Variants in FRK observed in about 807,000 individuals in gnomAD.
FRK encodes tyrosine-protein kinase FRK.
In FRK, 51 loss-of-function variants were observed where a neutral mutation model predicts 56.4. That is an observed-to-expected ratio of 0.90 (90% CI 0.72 to 1.14). The LOEUF is 1.14. FRK is among the 50% of genes most tolerant of loss of function. FRK has a pLI of 0.00. For synonymous variants in FRK, 245 were observed against 217.9 expected (o/e 1.12, Z -1.10); for missense variants, 570 against 601.4 (o/e 0.95, Z 0.55).
Position 115,942,402 on chromosome 6 carries a change from CT to C in FRK, c.*11del, listed in dbSNP as rs1772219513. 1 of 1,592,876 alleles carries C rather than the reference CT, an allele frequency of 6.3e-7. No individual in the cohort carries two copies. Among genetic ancestry groups the C allele is most frequent in the Admixed American group, 1.7e-5 (1 of 59,718 alleles). ...TTTTGCTACTTTATTATTTGATATT[CT>C]TCTCCAGTGTTCATCTTATGAAGTT... On this transcript the variant is annotated 3_prime_UTR_variant, in exon 8 of 8. Transcript: ENST00000606080.
At chr6:116,078,209 C>T in the FRK span, among the ~76,000 whole-genome samples, 58,196 of 152,102 alleles carry the variant, frequency 0.38, 12,280 homozygotes, top group East Asian at 0.77. Flanking sequence ...AAAATGACTT[C>T]TTTACTCAGG....
the FRK span, among the ~76,000 whole-genome samples, chr6:116,088,006 T>C: frequency 6.6e-6 from 1 of 152,176 alleles, no homozygotes; most frequent in East Asian, 1.9e-4. Context: ...CCCTCAATCA[T>C]GACAACAGGA....
the FRK span, among the ~76,000 whole-genome samples, chr6:116,081,752 T>C: frequency 1.3e-5 from 2 of 152,036 alleles, no homozygotes; most frequent in African/African-American, 4.8e-5. Context: ...GGTCAACTGA[T>C]ATTATTAAGA....
At chr6:115,967,024 G>A (rs1399505996) in intron 4 of FRK, among the ~76,000 whole-genome samples, 1 of 152,042 alleles carries the variant, frequency 6.6e-6, no homozygotes, top group Non-Finnish European at 1.5e-5. Context: ...AATAAAGCCT[G>A]GCTGAATAAA....
intron 2 of FRK, among the ~76,000 whole-genome samples, chr6:116,003,108 A>T (rs889889884): frequency 6.6e-6 from 1 of 152,196 alleles, no homozygotes; most frequent in Non-Finnish European, 1.5e-5. Context: ...CAAGGTTCAC[A>T]TCTAATTGGA....
intron 2 of FRK, among the ~76,000 whole-genome samples, chr6:115,997,173 C>T (rs889422432): frequency 2.0e-5 from 3 of 152,122 alleles, no homozygotes; most frequent in Non-Finnish European, 1.5e-5. Context: ...GGCAGTTCTA[C>T]CATTTGTGCA....
the FRK span, among the ~76,000 whole-genome samples, chr6:116,078,941 G>A: frequency 4.3e-3 from 649 of 152,178 alleles, 7 homozygotes; most frequent in African/African-American, 0.015. Flanking sequence ...GATTCATCTA[G>A]TTTGTAACAT....
chr6:115,968,818 A>G, intron 2 of FRK, 79 bp from the exon 3 acceptor site: 2 of 1,146,226 alleles, frequency 1.7e-6, no homozygotes, highest in Non-Finnish European at 2.5e-6. Context: ...TGACATTTTC[A>G]ATGCATAAAA....
At chr6:116,026,719 C>T (rs1219829991) in intron 1 of FRK, among the ~76,000 whole-genome samples, 1 of 151,988 alleles carries the variant, frequency 6.6e-6, no homozygotes, top group African/African-American at 2.4e-5. Context: ...GAGCTGGTTG[C>T]TTTGTTCACA....
At chr6:115,942,975 AAGTGACATGC>A in intron 7 of FRK, 35 bp downstream of exon 7, 1 of 1,575,396 alleles carries the variant, frequency 6.3e-7, no homozygotes, top group South Asian at 1.2e-5. Flanking sequence ...ACACCTAAGT[AAGTGACATGC>A]AGCAGAAAGG....
chr6:116,072,530 A>ACACAC, the FRK span, among the ~76,000 whole-genome samples: 1 of 144,872 alleles, frequency 6.9e-6, no homozygotes, highest in African/African-American at 2.6e-5. Context: ...AGGTTAAATA[A>ACACAC]ACACACACAC....
At position 115,940,583 on chromosome 6, in the gene FRK, G is replaced by C. The variant is rs1446033786; in HGVS notation, c.*1831C>G. Reference sequence around the variant, plus strand: ...GAAAATTTTTGCAAGCTATCCATCTGACAAAGGGCTAATACCAAGAATCTA... The same window carrying C: ...GAAAATTTTTGCAAGCTATCCATCTCACAAAGGGCTAATACCAAGAATCTA... On this transcript the variant is annotated 3_prime_UTR_variant, in exon 8 of 8. Transcript: ENST00000606080. 6.6e-6 allele frequency: 1 copy of C among 152,066 alleles called. No homozygotes were observed. The highest frequency in any genetic ancestry group is 1.5e-5 in the Non-Finnish European group (1 of 68,012). 9.4% of individuals were successfully genotyped at this position (152,066 alleles called of 1,614,324 possible).
Position 115,980,808 on chromosome 6 carries a change from A to G in FRK, c.467-12069T>C, listed in dbSNP as rs142519479. Among the ~76,000 whole-genome samples the G allele has an allele frequency of 2.1e-3, 325 of 152,206 alleles. 3 individuals are homozygous for G. Among genetic ancestry groups the G allele is most frequent in the Admixed American group, 6.2e-3 (95 of 15,262 alleles). ...TTAAAATTATAATGTGTCTCCTCTT[A>G]TACATAAGCCAGTGAGAAGCACAAT... On this transcript the variant is annotated intron_variant, in intron 2 of 7. Coordinates refer to ENST00000606080, the MANE Select transcript of FRK (RefSeq NM_002031.3).
At chr6:115,968,885 A>G in intron 2 of FRK, 146 bp from the exon 3 acceptor site, 1 of 690,520 alleles carries the variant, frequency 1.4e-6, no homozygotes, top group Admixed American at 3.1e-5. Context: ...AAGATTTAAG[A>G]AAGTTTACAA....
intron 5 of FRK, among the ~76,000 whole-genome samples, chr6:115,953,150 A>G (rs7768026): frequency 0.67 from 88,582 of 132,256 alleles, 30,631 homozygotes; most frequent in East Asian, 0.98. Flanking sequence ...ATGATGGGCT[A>G]CTTAAGAGTG....
intron 5 of FRK, among the ~76,000 whole-genome samples, chr6:115,950,020 C>T (rs1390940550): frequency 6.6e-6 from 1 of 152,134 alleles, no homozygotes; most frequent in Non-Finnish European, 1.5e-5. Flanking sequence ...ACACCTTGTA[C>T]AAAAATTAAC....
intron 2 of FRK, among the ~76,000 whole-genome samples, chr6:115,979,243 G>A (rs1249800245): frequency 3.3e-5 from 5 of 152,038 alleles, no homozygotes; most frequent in Admixed American, 6.6e-5. Context: ...AACAAGGTGT[G>A]GATGTGGGAG....
intron 5 of FRK, among the ~76,000 whole-genome samples, chr6:115,953,399 C>T (rs533115622): frequency 4.0e-5 from 6 of 151,544 alleles, no homozygotes; most frequent in South Asian, 2.1e-4. Context: ...CCGTTTTAGC[C>T]GGGATGGTCT....
intron 2 of FRK, among the ~76,000 whole-genome samples, chr6:115,973,577 A>C (rs1444698413): frequency 6.6e-6 from 1 of 152,160 alleles, no homozygotes; most frequent in Non-Finnish European, 1.5e-5. Context: ...TTTTAAAAAA[A>C]GCCAACAAAG....
Sources: allele counts gnomAD v4.1 joint callset (sites outside exome capture counted in the v4.1 genomes callset), GRCh38; gene constraint gnomAD v4.1.1; transcripts MANE v1.5; gene names NCBI Gene and HGNC (gene_info 2026-07-23, HGNC 2026-07-21).